Variants in ASAP2 observed in about 807,000 individuals in gnomAD.
ASAP2 encodes the protein ArfGAP with SH3 domain, ankyrin repeat and PH domain 2.
A neutral mutation model predicts 131.4 loss-of-function variants in ASAP2; 45 were observed. The observed-to-expected ratio is 0.34, with a 90% CI of 0.27 to 0.44. ASAP2 has a LOEUF of 0.44. ASAP2 is among the 20% of genes least tolerant of loss of function. The pLI is 1.00. For missense variants in ASAP2, 1,011 were observed against 1,297.0 expected (o/e 0.78, Z 3.39); for synonymous variants, 510 against 503.0 (o/e 1.01, Z -0.19).
intron 7 of ASAP2, among the ~76,000 whole-genome samples, chr2:9,333,699 C>CTCAT (rs1260656394): frequency 2.0e-5 from 3 of 149,760 alleles, no homozygotes; most frequent in African/African-American, 7.4e-5. Context: ...TGCATCAGGC[C>CTCAT]TCATTACAGG....
intron 7 of ASAP2, among the ~76,000 whole-genome samples, chr2:9,334,038 C>CTTTT (rs1671019393): frequency 8.4e-6 from 1 of 119,178 alleles, no homozygotes; most frequent in African/African-American, 3.3e-5. Context: ...CTGTCTTTCT[C>CTTTT]CTTTTTTTTT....
chr2:9,241,428 G>C (rs983421894), intron 1 of ASAP2, among the ~76,000 whole-genome samples: 1 of 152,166 alleles, frequency 6.6e-6, no homozygotes, highest in African/African-American at 2.4e-5. Context: ...CAGGGTTGGG[G>C]ATGTACATAC....
chr2:9,393,834 C>G (rs954431346), intron 24 of ASAP2, among the ~76,000 whole-genome samples, 187 bp downstream of exon 24: 6 of 152,224 alleles, frequency 3.9e-5, no homozygotes, highest in Non-Finnish European at 7.3e-5. Context: ...AAATGTCTTA[C>G]AAATGTACAT....
At chr2:9,285,604 T>C (rs1667411635) in intron 2 of ASAP2, among the ~76,000 whole-genome samples, 1 of 152,238 alleles carries the variant, frequency 6.6e-6, no homozygotes, top group African/African-American at 2.4e-5. Flanking sequence ...CTCTTACTTG[T>C]CTAAAATTTC....
intron 1 of ASAP2, among the ~76,000 whole-genome samples, chr2:9,234,124 A>G (rs1210569464): frequency 6.6e-6 from 1 of 151,658 alleles, no homozygotes; most frequent in Non-Finnish European, 1.5e-5. Context: ...AAAAAAAAAA[A>G]AAAAAAAGGA....
chr2:9,347,755 T>A (rs73915714), intron 11 of ASAP2, among the ~76,000 whole-genome samples: 3 of 152,330 alleles, frequency 2.0e-5, no homozygotes, highest in African/African-American at 7.2e-5. Flanking sequence ...CTTTGCCAGA[T>A]TCGCAGGATT....
chr2:9,312,413 A>G (rs983661917), intron 3 of ASAP2, among the ~76,000 whole-genome samples: 1 of 152,038 alleles, frequency 6.6e-6, no homozygotes, highest in Non-Finnish European at 1.5e-5. Context: ...GGCAGGGCCC[A>G]CACCAGCACT....
At chr2:9,398,300 A>G (rs566095887) in intron 24 of ASAP2, among the ~76,000 whole-genome samples, 10 of 151,060 alleles carry the variant, frequency 6.6e-5, no homozygotes, top group Non-Finnish European at 1.2e-4. Flanking sequence ...GCTTGAGACT[A>G]GGAGTTCGAG....
intron 1 of ASAP2, among the ~76,000 whole-genome samples, chr2:9,210,979 A>G (rs1661500524): frequency 6.6e-6 from 1 of 151,884 alleles, no homozygotes; most frequent in Non-Finnish European, 1.5e-5. Context: ...AACATGGAGA[A>G]ACCCTGTCTC....
chr2:9,374,531 A>T (rs796540558), intron 16 of ASAP2, among the ~76,000 whole-genome samples: 1 of 152,202 alleles, frequency 6.6e-6, no homozygotes, highest in Non-Finnish European at 1.5e-5. Context: ...GGGTGGGCTG[A>T]GAGAACATGG....
At chr2:9,289,809 T>C (rs1667692164) in intron 2 of ASAP2, among the ~76,000 whole-genome samples, 1 of 152,214 alleles carries the variant, frequency 6.6e-6, no homozygotes, top group African/African-American at 2.4e-5. Flanking sequence ...ACTCCATTGC[T>C]AGCTGCCTGT....
chr2:9,323,515 GT>G (rs1319267529), intron 6 of ASAP2, among the ~76,000 whole-genome samples: 1 of 152,196 alleles, frequency 6.6e-6, no homozygotes, highest in Non-Finnish European at 1.5e-5. Context: ...CTTCACGTAC[GT>G]ACTCTTGCTA....
At chr2:9,266,357 G>C (rs1289330765) in intron 1 of ASAP2, among the ~76,000 whole-genome samples, 1 of 152,034 alleles carries the variant, frequency 6.6e-6, no homozygotes, top group Non-Finnish European at 1.5e-5. Context: ...GTGTTGCCTA[G>C]GCCTGTCTGA....
intron 3 of ASAP2, among the ~76,000 whole-genome samples, chr2:9,317,721 ATCACATTCACAC>A (rs936785249): frequency 1.4e-5 from 2 of 147,392 alleles, no homozygotes; most frequent in African/African-American, 5.0e-5. Flanking sequence ...CCCATACACA[ATCACATTCACAC>A]TCACATCCAC....
At chr2:9,382,887 ATTG>A (rs1347911047) in intron 20 of ASAP2, among the ~76,000 whole-genome samples, 2 of 152,214 alleles carry the variant, frequency 1.3e-5, no homozygotes, top group African/African-American at 4.8e-5. Context: ...AGACAGTGTG[ATTG>A]CAGCAGAGAA....
At chr2:9,402,151 G>A (rs761674758) in intron 27 of ASAP2, among the ~76,000 whole-genome samples, 1 of 152,224 alleles carries the variant, frequency 6.6e-6, no homozygotes, top group Admixed American at 6.5e-5. Context: ...CTTCTTTGTC[G>A]AGTGCGAGGA....
chr2:9,247,514 C>T (rs1664419929), intron 1 of ASAP2, among the ~76,000 whole-genome samples: 1 of 152,224 alleles, frequency 6.6e-6, no homozygotes, highest in Admixed American at 6.5e-5. Flanking sequence ...TGGATTTGCT[C>T]GCTGCGTCTG....
chr2:9,343,598 C>T (rs1192764082), intron 9 of ASAP2, among the ~76,000 whole-genome samples: 18 of 152,186 alleles, frequency 1.2e-4, no homozygotes, highest in Admixed American at 1.2e-3. Context: ...CAGCGCCTGC[C>T]ACCATACCTA....
intron 1 of ASAP2, among the ~76,000 whole-genome samples, chr2:9,236,968 G>A (rs1411360674): frequency 1.3e-5 from 2 of 152,158 alleles, no homozygotes; most frequent in African/African-American, 2.4e-5. Context: ...GCTGGGGTAC[G>A]GAGACGGGCA....
Sources: gnomAD v4.1 joint callset for allele counts (sites outside exome capture counted in the v4.1 genomes callset) on GRCh38, gnomAD v4.1.1 for gene constraint, MANE v1.5 for transcripts, NCBI Gene and HGNC (gene_info 2026-07-23, HGNC 2026-07-21) for gene names.